The following USP37 variants were observed in gnomAD, a reference collection of about 807,000 sequenced individuals.
USP37 encodes the protein ubiquitin carboxyl-terminal hydrolase 37.
Under a neutral mutation model 124.0 loss-of-function variants are expected in USP37, and 27 were observed. That is an observed-to-expected ratio of 0.22 (90% CI 0.16 to 0.30). The LOEUF is 0.30. Ranked by LOEUF, USP37 falls within the 10% of genes least tolerant of loss-of-function variation. The pLI is 1.00. For missense variants in USP37, 889 were observed against 1,140.4 expected, an observed-to-expected ratio of 0.78 and a Z score of 3.17; for synonymous variants, 365 against 388.0, an observed-to-expected ratio of 0.94 and a Z score of 0.70.
intron 1 of USP37, among the ~76,000 whole-genome samples, chr2:218,565,294 T>A (rs1252187621): frequency 6.6e-6 from 1 of 152,226 alleles, no homozygotes; most frequent in African/African-American, 2.4e-5. Context: ...TTTATGGAAA[T>A]CTCATCTTCA....
intron 1 of USP37, among the ~76,000 whole-genome samples, chr2:218,564,182 C>T (rs1048280478): frequency 7.2e-5 from 11 of 152,176 alleles, no homozygotes; most frequent in African/African-American, 2.7e-4. Context: ...CTACTCAAAT[C>T]CCAGATTTTC....
intron 3 of USP37, 88 bp downstream of exon 3, chr2:218,560,732 C>A (rs956868396): frequency 6.6e-6 from 1 of 152,154 alleles, no homozygotes; most frequent in African/African-American, 2.4e-5. Flanking sequence ...ATAAAGACAT[C>A]CAAACGTTTA....
chr2:218,531,541 GC>G (rs1691323869), intron 9 of USP37, among the ~76,000 whole-genome samples: 1 of 152,176 alleles, frequency 6.6e-6, no homozygotes, highest in African/African-American at 2.4e-5. Flanking sequence ...CCATTCTACA[GC>G]CCATGGATCA....
chr2:218,499,523 G>A (rs1474516840), intron 11 of USP37, among the ~76,000 whole-genome samples: 1 of 152,060 alleles, frequency 6.6e-6, no homozygotes, highest in Non-Finnish European at 1.5e-5. Context: ...TAAATAATCA[G>A]AGTACAATTA....
rs1253499485 is a variant in USP37 at position 218,476,872 on chromosome 2, C to T, written c.2011G>A (p.Gly671Ser). Residue 671 changes from glycine (G) to serine (S), a missense_variant, in exon 19 of 26, where the codon GGC (glycine) becomes AGC (serine). Physicochemically the swap from Gly to Ser is moderately conservative, Grantham distance 56. Around this residue, in one of 3 missense-constraint regions of USP37, gnomAD observed 504 missense variants for 714.3 expected, o/e 0.71. Transcript: ENST00000258399. Reference protein sequence around the residue: ...ALSQRLCEMLGNEQQQEDLEK... With the variant: ...ALSQRLCEMLSNEQQQEDLEK... ...AGGTCTTCCTGCTGCTGTTCGTTGC[C>T]TAACATTTCACAAAGTCTCTGGCTG... is the stretch of plus-strand genomic sequence containing the variant. The T allele has an allele frequency of 6.2e-7, 1 of 1,605,062 alleles. No individual in the cohort carries two copies. Among genetic ancestry groups the T allele is most frequent in the African/African-American group, 1.3e-5 (1 of 74,214 alleles).
chr2:218,556,341 A>T (rs557940537), intron 4 of USP37, among the ~76,000 whole-genome samples: 2 of 152,040 alleles, frequency 1.3e-5, no homozygotes, highest in South Asian at 4.1e-4. Context: ...ATTCAGGGTT[A>T]AAGAAAAAAA....
At chr2:218,529,277 A>G (rs1187817098) in intron 10 of USP37, among the ~76,000 whole-genome samples, 2 of 152,148 alleles carry the variant, frequency 1.3e-5, no homozygotes, top group Non-Finnish European at 2.9e-5. Context: ...AGGCCAAGAA[A>G]GGCAGATCAC....
intron 10 of USP37, among the ~76,000 whole-genome samples, chr2:218,517,514 C>A (rs1424667040): frequency 6.6e-6 from 1 of 152,128 alleles, no homozygotes; most frequent in Non-Finnish European, 1.5e-5. Flanking sequence ...AAATAAAATT[C>A]TATGTTGGCA....
At chr2:218,554,079 G>C (rs1692809626) in intron 4 of USP37, among the ~76,000 whole-genome samples, 1 of 152,122 alleles carries the variant, frequency 6.6e-6, no homozygotes, top group South Asian at 2.1e-4. Flanking sequence ...TATTTTATAA[G>C]AATATTGTGT....
intron 10 of USP37, among the ~76,000 whole-genome samples, chr2:218,515,802 A>G (rs1489640292): frequency 1.3e-5 from 2 of 152,074 alleles, no homozygotes; most frequent in Non-Finnish European, 2.9e-5. Context: ...TATCCATCTG[A>G]CAAACATCCA....
In USP37 at chr2:218,455,661, T is replaced by C; in HGVS notation, c.2771A>G (p.Asp924Gly). 1 of 1,614,178 alleles carries C rather than the reference T, an allele frequency of 6.2e-7. No individual in the cohort carries two copies. The change falls in exon 25 of 26, where the codon GAC (aspartate) becomes GGC (glycine). Residue 924 changes from aspartate to glycine, a missense_variant. By Grantham distance (94) the Asp-to-Gly change is moderately conservative. This residue lies in a region of USP37 where 504 missense variants were observed against 714.3 expected (regional missense o/e 0.71). Transcript: ENST00000258399. ...CTCTTGGATTTTTGATACCTCCAGG[T>C]CATTGTAAGTAAACCACGCTTGCTT... ...IKKQAWFTYNDLEVSKIQEAA... is the reference protein window; with the variant it reads ...IKKQAWFTYNGLEVSKIQEAA...
At chr2:218,491,720 A>G (rs1454092756) in intron 14 of USP37, among the ~76,000 whole-genome samples, 1 of 152,236 alleles carries the variant, frequency 6.6e-6, no homozygotes, top group Non-Finnish European at 1.5e-5. Context: ...ACTGGGAGAG[A>G]CAATGAAATC....
intron 14 of USP37, among the ~76,000 whole-genome samples, chr2:218,489,729 C>T (rs1230428473): frequency 1.3e-5 from 2 of 152,050 alleles, no homozygotes; most frequent in Non-Finnish European, 2.9e-5. Context: ...CCACCTGCCT[C>T]GGCCTCCCAA....
At chr2:218,513,508 C>A (rs114050904) in intron 10 of USP37, among the ~76,000 whole-genome samples, 2,509 of 152,220 alleles carry the variant, frequency 0.016, 66 homozygotes, top group African/African-American at 0.057. Flanking sequence ...ATATCTATTA[C>A]TCCCAAAAGT....
intron 8 of USP37, 21 bp from the exon 9 acceptor site, chr2:218,534,727 T>C: frequency 6.7e-7 from 1 of 1,501,162 alleles, no homozygotes; most frequent in Non-Finnish European, 9.1e-7. Context: ...TAATTTTACA[T>C]CAATATAGTA....
chr2:218,463,005 T>A (rs551554032), intron 22 of USP37, among the ~76,000 whole-genome samples: 1 of 151,946 alleles, frequency 6.6e-6, no homozygotes, highest in African/African-American at 2.4e-5. Flanking sequence ...CCGTCTCTAC[T>A]GAAAATACAA....
intron 20 of USP37, among the ~76,000 whole-genome samples, chr2:218,473,022 G>C (rs1189935546): frequency 6.6e-6 from 1 of 152,084 alleles, no homozygotes; most frequent in African/African-American, 2.4e-5. Flanking sequence ...GATTTTTCTA[G>C]TGTTCTTTTA....
At chr2:218,560,122 G>A (rs1318383623) in intron 3 of USP37, among the ~76,000 whole-genome samples, 1 of 152,150 alleles carries the variant, frequency 6.6e-6, no homozygotes, top group Non-Finnish European at 1.5e-5. Context: ...TTATCAAATA[G>A]TGTGTTACAT....
chr2:218,524,068 A>G (rs1250171058), intron 10 of USP37, among the ~76,000 whole-genome samples: 1 of 152,160 alleles, frequency 6.6e-6, no homozygotes, highest in African/African-American at 2.4e-5. Context: ...CACAATCCCA[A>G]AAGAGTTTTC....
Sources: allele counts gnomAD v4.1 joint callset (sites outside exome capture counted in the v4.1 genomes callset), GRCh38; gene constraint gnomAD v4.1.1; regional missense constraint gnomAD v4.1.1; transcripts MANE v1.5; gene names NCBI Gene and HGNC (gene_info 2026-07-23, HGNC 2026-07-21).